Variants in FGFR3 observed in about 807,000 individuals in gnomAD.
The protein encoded by FGFR3 is FGFR-3.
A neutral mutation model predicts 82.9 loss-of-function variants in FGFR3; 25 were observed. The ratio of observed to expected loss-of-function variants is 0.30; its 90% CI spans 0.22 to 0.42. The LOEUF is 0.42. FGFR3 is among the 10% of genes least tolerant of loss of function. The pLI is 1.00. For synonymous variants in FGFR3, 620 were observed against 516.0 expected, an observed-to-expected ratio of 1.20 and a Z score of -2.73; for missense variants, 1,026 against 1,161.0, an observed-to-expected ratio of 0.88 and a Z score of 1.69.
At position 1,794,058 on chromosome 4, in the gene FGFR3, A is replaced by G; in HGVS notation, c.109+15A>G. On this transcript the variant is annotated intron_variant, in intron 2 of 17. Coordinates refer to ENST00000440486, the MANE Select transcript of FGFR3 (RefSeq NM_000142.5). The stretch of plus-strand genomic sequence containing the variant: ...GCGAGCGGCAGGTAAGAAGGGACCC[A>G]CTAGGCACGGGAGAGGCCGGCCCGT... 1.5e-6 allele frequency: 2 copies of G among 1,363,194 alleles called. No homozygotes were observed. The highest frequency in any genetic ancestry group is 9.6e-7 in the Non-Finnish European group (1 of 1,038,978). 84.4% of individuals were successfully genotyped at this position (1,363,194 alleles called of 1,614,324 possible). A position where few individuals can be genotyped will look rare whatever the true frequency, so the allele number is the denominator to read the frequency against.
Position 1,805,621 on chromosome 4 carries a change from G to C in FGFR3, c.1597G>C (p.Gly533Arg). Residue 533 changes from glycine (G) to arginine (R), a missense_variant, in exon 12 of 18, where the codon GGG becomes CGG. Gly to Arg is a moderately radical substitution (Grantham distance 125). Transcript: ENST00000440486. ...TGAGATGGAGATGATGAAGATGATC[G>C]GGAAACACAAAAACATCATCAACCT... ...VSEMEMMKMI[G>R]KHKNIINLLG... is the part of the protein sequence containing the mutation. 6.2e-7 allele frequency: 1 copy of C among 1,613,344 alleles called. No individual in the cohort carries two copies. Among genetic ancestry groups the C allele is most frequent in the Non-Finnish European group, 8.5e-7 (1 of 1,179,802 alleles).
intron 10 of FGFR3, 110 bp from the exon 11 acceptor site, chr4:1,805,245 G>C: frequency 6.4e-7 from 1 of 1,564,838 alleles, no homozygotes; most frequent in Admixed American, 1.7e-5. Flanking sequence ...AGGGCTTCCT[G>C]GAGGTGGTGG....
At chr4:1,803,462 C>T (rs992107898) in intron 7 of FGFR3, among the ~76,000 whole-genome samples, 68 of 152,270 alleles carry the variant, frequency 4.5e-4, no homozygotes, top group Admixed American at 3.6e-3. Flanking sequence ...GCCCGCCTGC[C>T]GCTCACCTGG....
rs775273446 is a variant in FGFR3 at position 1,804,283 on chromosome 4, C to CGT, written c.1076-45_1076-44dup. On this transcript the variant is annotated intron_variant, in intron 8 of 17. Transcript: ENST00000440486. The stretch of plus-strand genomic sequence containing the variant: ...GGGCCAGGGGCATCCATGGGAGCCC[C>CGT]GTGGGGGGGGGGGCCAGGCCAGGCC... 5 of 1,539,158 alleles carry CGT rather than the reference C, an allele frequency of 3.2e-6. No homozygotes were observed. The Admixed American group carries it at 5.7e-5, about 18-fold the overall frequency.
At chr4:1,802,543 A>G (rs1577278218) in intron 7 of FGFR3, among the ~76,000 whole-genome samples, 3 of 152,314 alleles carry the variant, frequency 2.0e-5, no homozygotes, top group African/African-American at 4.8e-5. Flanking sequence ...CCAAAGAGAA[A>G]CATCTGTTCA....
chr4:1,795,932 T>C (rs546466251), intron 2 of FGFR3, among the ~76,000 whole-genome samples: 1 of 152,242 alleles, frequency 6.6e-6, no homozygotes, highest in African/African-American at 2.4e-5. Context: ...CTCCAGGTCC[T>C]TGTGTGAGCC....
At chr4:1,803,124 G>GCGCCCTGCACGCCCCGCA (rs1721407102) in intron 7 of FGFR3, 9 of 1,462,038 alleles carry the variant, frequency 6.2e-6, no homozygotes, top group South Asian at 2.8e-5. Context: ...CCCTGGCCGC[G>GCGCCCTGCACGCCCCGCA]CGCCCTGCAC....
chr4:1,799,606 G>T (rs1213981531), intron 3 of FGFR3, 83 bp downstream of exon 3: 14 of 1,549,640 alleles, frequency 9.0e-6, no homozygotes, highest in Non-Finnish European at 8.7e-6. Context: ...GAGCGGCTGG[G>T]GGTCTCTCTG....
chr4:1,798,308 C>A (rs1442336247), intron 2 of FGFR3, among the ~76,000 whole-genome samples: 1 of 151,976 alleles, frequency 6.6e-6, no homozygotes, highest in Non-Finnish European at 1.5e-5. Context: ...GCCTGGTCGT[C>A]CTCTGTGAGG....
Position 1,806,703 on chromosome 4 carries a change from C to T in FGFR3, c.2168+20C>T, listed in dbSNP as rs759956908. Reference sequence around the variant, plus strand: ...CGACCTGTGAGTGGCATCCCTGGCCCTCCACTGGGTCCTCAGGGGTGGGGG... The same window carrying T: ...CGACCTGTGAGTGGCATCCCTGGCCTTCCACTGGGTCCTCAGGGGTGGGGG... On this transcript the variant is annotated intron_variant, in intron 16 of 17. Transcript: ENST00000440486. 4.3e-6 allele frequency: 7 copies of T among 1,611,258 alleles called. No homozygotes were observed. Among genetic ancestry groups the T allele is most frequent in the South Asian group, 3.3e-5 (3 of 90,990 alleles).
At chr4:1,794,404 C>T (rs904883668) in intron 2 of FGFR3, among the ~76,000 whole-genome samples, 18 of 152,184 alleles carry the variant, frequency 1.2e-4, no homozygotes, top group Non-Finnish European at 2.5e-4. Context: ...ACGGAAAGTT[C>T]CCATTGTTGG....
Position 1,799,234 on chromosome 4 carries a change from G to T in FGFR3, c.110-20G>T, listed in dbSNP as rs754947936. The T allele has an allele frequency of 6.2e-7, 1 of 1,611,880 alleles. No homozygotes were observed. The highest frequency in any genetic ancestry group is 2.2e-5 in the East Asian group (1 of 44,882). On this transcript the variant is annotated intron_variant, in intron 2 of 17. Coordinates refer to ENST00000440486, the MANE Select transcript of FGFR3 (RefSeq NM_000142.5). Reference sequence around the variant, plus strand: ...CGGGTTTGGGGGTGCCTGCCTCATGGTTGCCCATCTTCCCCACAGAAGTCC... The same window carrying T: ...CGGGTTTGGGGGTGCCTGCCTCATGTTTGCCCATCTTCCCCACAGAAGTCC...
chr4:1,801,953 G>A lies in FGFR3; in HGVS notation c.858G>A (p.Gln286=), dbSNP rs2108784492. The A allele has an allele frequency of 6.2e-7, 1 of 1,612,872 alleles. No individual in the cohort carries two copies. Among genetic ancestry groups the A allele is most frequent in the African/African-American group, 1.3e-5 (1 of 75,064 alleles). ...KVYSDAQPHI[Q]WLKHVEVNGS... ...ACAGTGACGCACAGCCCCACATCCAGTGGCTCAAGCACGTGGAGGTGAATG... is the reference window on the plus strand; with the variant it reads ...ACAGTGACGCACAGCCCCACATCCAATGGCTCAAGCACGTGGAGGTGAATG... Residue 286 remains glutamine, a synonymous_variant, in exon 7 of 18, where the codon CAG becomes CAA. Coordinates refer to ENST00000440486, the MANE Select transcript of FGFR3 (RefSeq NM_000142.5).
In FGFR3 at chr4:1,803,716, A is replaced by C. The variant is rs932640983; in HGVS notation, c.955A>C (p.Lys319Gln). Residue 319 changes from lysine to glutamine, a missense_variant, in exon 8 of 18, where the codon AAG becomes CAG. Lys to Gln is a moderately conservative substitution (Grantham distance 53). This residue lies in a region of FGFR3 where 256 missense variants were observed against 217.6 expected (regional missense o/e 1.18). Coordinates refer to ENST00000440486, the MANE Select transcript of FGFR3 (RefSeq NM_000142.5). ...GACGGCGGGCGCTAACACCACCGAC[A>C]AGGAGCTAGAGGTTCTCTCCTTGCA... ...LKTAGANTTD[K>Q]ELEVLSLHNV... 5 of 1,613,492 alleles carry C rather than the reference A, an allele frequency of 3.1e-6. No individual in the cohort carries two copies. The highest frequency in any genetic ancestry group is 3.3e-5 in the Admixed American group (2 of 60,000).
Position 1,807,859 on chromosome 4 carries a change from G to C in FGFR3, c.*597G>C, listed in dbSNP as rs1429489344. 2.3e-6 allele frequency: 1 copy of C among 428,650 alleles called. No individual in the cohort carries two copies. The highest frequency in any genetic ancestry group is 4.1e-5 in the East Asian group (1 of 24,644). The allele number at this position is 428,650 out of a possible 1,614,324, so 26.6% of individuals were successfully genotyped here. On this transcript the variant is annotated 3_prime_UTR_variant, in exon 18 of 18. Coordinates refer to ENST00000440486, the MANE Select transcript of FGFR3 (RefSeq NM_000142.5). The stretch of plus-strand genomic sequence containing the variant: ...TGCAAAAGGTTTATTCCGGAAACTA[G>C]TGTACATTTCTATAAATAGATGCTG...
chr4:1,808,091 T>G lies in FGFR3; in HGVS notation c.*829T>G, dbSNP rs1274625434. On this transcript the variant is annotated 3_prime_UTR_variant, in exon 18 of 18. Coordinates refer to ENST00000440486, the MANE Select transcript of FGFR3 (RefSeq NM_000142.5). ...TGGCACCGCAGTTTTGTTTTAAAAC[T>G]GGACCTGTATATTTGTAAAGCTATT... is the stretch of plus-strand genomic sequence containing the variant. 1.3e-5 allele frequency: 3 copies of G among 233,186 alleles called. No individual in the cohort carries two copies. Among genetic ancestry groups the G allele is most frequent in the African/African-American group, 6.6e-5 (3 of 45,296 alleles). The allele number at this position is 233,186 out of a possible 1,614,324, so 14.4% of individuals were successfully genotyped here.
chr4:1,802,200 A>ACC (rs1441882356), intron 7 of FGFR3, among the ~76,000 whole-genome samples, 175 bp downstream of exon 7: 1 of 152,174 alleles, frequency 6.6e-6, no homozygotes, highest in Non-Finnish European at 1.5e-5. Flanking sequence ...TCAGGGCCAT[A>ACC]GGCAGCTGCG....
chr4:1,808,841 C>T lies in FGFR3; in HGVS notation c.*1579C>T, dbSNP rs1367116153. On this transcript the variant is annotated 3_prime_UTR_variant, in exon 18 of 18. Transcript: ENST00000440486. ...TTTGTTAACCCAGCGACGAACTTTC[C>T]GAAAAATAAAGACACCTGGTTGCTA... 2 of 226,254 alleles carry T rather than the reference C, an allele frequency of 8.8e-6. No homozygotes were observed. Among genetic ancestry groups the T allele is most frequent in the African/African-American group, 2.2e-5 (1 of 44,846 alleles). The allele number at this position is 226,254 out of a possible 1,614,324, so 14.0% of individuals were successfully genotyped here.
At chr4:1,799,587 G>T in intron 3 of FGFR3, 64 bp downstream of exon 3, 16 of 1,549,814 alleles carry the variant, frequency 1.0e-5, no homozygotes, top group Non-Finnish European at 1.4e-5. Context: ...GAGTCCCTGC[G>T]TGGGTCAGGA....
Sources: allele counts gnomAD v4.1 joint callset (sites outside exome capture counted in the v4.1 genomes callset), GRCh38; gene constraint gnomAD v4.1.1; regional missense constraint gnomAD v4.1.1; transcripts MANE v1.5; gene names NCBI Gene and HGNC (gene_info 2026-07-23, HGNC 2026-07-21).